RASGEF1A: variants seen among roughly 807,000 people sequenced by gnomAD.
RASGEF1A encodes the protein ras-GEF domain-containing family member 1A.
Under a neutral mutation model 56.4 loss-of-function variants are expected in RASGEF1A, and 18 were observed. The observed-to-expected ratio is 0.32, with a 90% confidence interval of 0.22 to 0.47. The LOEUF is 0.47. RASGEF1A is among the 20% of genes least tolerant of loss of function. The pLI, the probability that RASGEF1A is intolerant of heterozygous loss-of-function variation, is 1.00. For synonymous variants in RASGEF1A, 245 were observed against 242.6 expected (o/e 1.01, Z -0.09); for missense variants, 422 against 627.1 (o/e 0.67, Z 3.49).
At chr10:43,250,209 G>C (rs1029520250) in intron 1 of RASGEF1A, among the ~76,000 whole-genome samples, 2 of 152,236 alleles carry the variant, frequency 1.3e-5, no homozygotes, top group Non-Finnish European at 2.9e-5. Flanking sequence ...AGCTATGGAG[G>C]AGCGCTGCCT....
intron 1 of RASGEF1A, among the ~76,000 whole-genome samples, chr10:43,216,617 C>T (rs1023186895): frequency 7.9e-5 from 12 of 152,148 alleles, no homozygotes; most frequent in African/African-American, 2.7e-4. Context: ...CTAGGTAGCC[C>T]GCCCAGGGGC....
chr10:43,260,584 G>A (rs1280079472), intron 1 of RASGEF1A, among the ~76,000 whole-genome samples: 1 of 152,148 alleles, frequency 6.6e-6, no homozygotes, highest in Non-Finnish European at 1.5e-5. Context: ...CCACGGAGAA[G>A]CTAGGGTCCG....
intron 1 of RASGEF1A, among the ~76,000 whole-genome samples, chr10:43,210,775 C>A (rs1840055364): frequency 6.6e-6 from 1 of 152,260 alleles, no homozygotes; most frequent in African/African-American, 2.4e-5. Context: ...CGGGGCCAGC[C>A]AGTGTGCCAG....
Position 43,198,922 on chromosome 10 carries a change from C to T in RASGEF1A, c.1032+11G>A, listed in dbSNP as rs199871204. The T allele has an allele frequency of 8.6e-4, 1,391 of 1,611,760 alleles. 6 individuals carry two copies. In the African/African-American group the frequency reaches 0.013, roughly 15 times the overall value. On this transcript the variant is annotated intron_variant, in intron 9 of 12. Transcript: ENST00000395810. ...TGCAGCTCGCAGCTGTGACGGGGCT[C>T]AGGTGCCTACCTCCAAGACATCAAA...
intron 1 of RASGEF1A, among the ~76,000 whole-genome samples, chr10:43,230,591 G>A (rs1041095342): frequency 3.9e-5 from 6 of 152,134 alleles, no homozygotes; most frequent in South Asian, 2.1e-4. Flanking sequence ...CGAGTTGGCC[G>A]GCGGGGCGGC....
At position 43,237,510 on chromosome 10, in the gene RASGEF1A, C is replaced by T. The variant is rs74135478; in HGVS notation, c.-7+29335G>A. On this transcript the variant is annotated intron_variant, in intron 1 of 12. Coordinates refer to ENST00000395810, the MANE Select transcript of RASGEF1A (RefSeq NM_145313.4). Reference sequence around the variant, plus strand: ...GCCCTCTCCAGACCACAGACACAGTCCTCCTGACCCCGGCTCCTCCTGAGC... The same window carrying T: ...GCCCTCTCCAGACCACAGACACAGTTCTCCTGACCCCGGCTCCTCCTGAGC... Among the ~76,000 whole-genome samples the T allele has an allele frequency of 2.6e-3, 394 of 149,902 alleles. 3 individuals carry two copies. Among genetic ancestry groups the T allele is most frequent in the African/African-American group, 9.3e-3 (379 of 40,882 alleles).
chr10:43,212,049 T>C (rs780341614), intron 1 of RASGEF1A, among the ~76,000 whole-genome samples: 1 of 152,168 alleles, frequency 6.6e-6, no homozygotes, highest in Non-Finnish European at 1.5e-5. Context: ...TTCTGACCTG[T>C]GGCCTCTGAC....
At chr10:43,208,075 C>A in intron 1 of RASGEF1A, 1 of 985,496 alleles carries the variant, frequency 1.0e-6, no homozygotes, top group Non-Finnish European at 1.2e-6. Flanking sequence ...GGCTCACAAA[C>A]CCCTTGTTGC....
chr10:43,257,426 G>A (rs892286502), intron 1 of RASGEF1A, among the ~76,000 whole-genome samples: 2 of 152,240 alleles, frequency 1.3e-5, no homozygotes, highest in African/African-American at 4.8e-5. Flanking sequence ...GGGGAAGGAG[G>A]AGCACAGGTC....
rs555201243 is a variant in RASGEF1A at position 43,254,858 on chromosome 10, C to A, written c.-7+11987G>T. 5.9e-5 allele frequency among the ~76,000 whole-genome samples: 9 copies of A among 152,294 alleles called. No individual in the cohort carries two copies. The South Asian group carries it at 6.2e-4, about 11-fold the overall frequency. On this transcript the variant is annotated intron_variant, in intron 1 of 12. Transcript: ENST00000395810. ...AAGGAGACAGTCCCTTTATGGCACA[C>A]AAGCAATGACACCAGTGACTCCATT...
At chr10:43,211,106 G>T (rs1000768851) in intron 1 of RASGEF1A, among the ~76,000 whole-genome samples, 3 of 152,192 alleles carry the variant, frequency 2.0e-5, no homozygotes, top group Admixed American at 1.3e-4. Flanking sequence ...CAGAAGAAAC[G>T]TGCTTATAGC....
At chr10:43,256,956 C>T (rs531752270) in intron 1 of RASGEF1A, among the ~76,000 whole-genome samples, 64 of 152,308 alleles carry the variant, frequency 4.2e-4, no homozygotes, top group South Asian at 8.3e-4. Context: ...CTCCTGGCAC[C>T]TCTCCCTCCT....
At chr10:43,202,277 C>A (rs2133183903) in intron 3 of RASGEF1A, among the ~76,000 whole-genome samples, 1 of 152,364 alleles carries the variant, frequency 6.6e-6, no homozygotes, top group South Asian at 2.1e-4. Context: ...ATAACCCAAG[C>A]CAAGCCATCC....
At chr10:43,220,327 C>T (rs1473253441) in intron 1 of RASGEF1A, among the ~76,000 whole-genome samples, 1 of 152,148 alleles carries the variant, frequency 6.6e-6, no homozygotes, top group African/African-American at 2.4e-5. Flanking sequence ...AGGGAGATCC[C>T]TGTCTCTACA....
chr10:43,199,820 A>T (rs1450477611), intron 6 of RASGEF1A, 52 bp from the exon 7 acceptor site: 1 of 1,467,492 alleles, frequency 6.8e-7, no homozygotes, highest in East Asian at 2.3e-5. Flanking sequence ...TGGCTGGACA[A>T]CTTAGTCCCC....
At chr10:43,254,718 C>T (rs571141236) in intron 1 of RASGEF1A, among the ~76,000 whole-genome samples, 2 of 152,240 alleles carry the variant, frequency 1.3e-5, no homozygotes, top group Admixed American at 6.5e-5. Flanking sequence ...GGATGGAAAC[C>T]GCTGCTGTAG....
intron 1 of RASGEF1A, among the ~76,000 whole-genome samples, chr10:43,231,887 G>T (rs1840374099): frequency 6.6e-6 from 1 of 152,276 alleles, no homozygotes. Flanking sequence ...TAGAGAAGAA[G>T]CCAGGTGTGG....
intron 1 of RASGEF1A, among the ~76,000 whole-genome samples, chr10:43,262,418 C>T (rs1179503606): frequency 3.3e-5 from 5 of 152,050 alleles, no homozygotes; most frequent in Non-Finnish European, 7.4e-5. Context: ...TGGTCCAGGA[C>T]CCCAGACACC....
At position 43,200,265 on chromosome 10, in the gene RASGEF1A, G is replaced by A; in HGVS notation, c.682-9C>T. 6.3e-7 allele frequency: 1 copy of A among 1,599,574 alleles called. No individual in the cohort carries two copies. Among genetic ancestry groups the A allele is most frequent in the Non-Finnish European group, 8.5e-7 (1 of 1,171,826 alleles). On this transcript the variant is annotated splice_polypyrimidine_tract_variant and intron_variant, in intron 5 of 12. Transcript: ENST00000395810. ...ATGCTGCTGACCCTGTCCTGGGGTG[G>A]AAGATAGCAAAGGGAAGGTGACAAG...
Sources: gnomAD v4.1 joint callset for allele counts (sites outside exome capture counted in the v4.1 genomes callset) on GRCh38, gnomAD v4.1.1 for gene constraint, MANE v1.5 for transcripts, NCBI Gene and HGNC (gene_info 2026-07-23, HGNC 2026-07-21) for gene names.